KCNH1: variants seen among roughly 807,000 people sequenced by gnomAD.
KCNH1 encodes the protein potassium voltage-gated channel subfamily H member 1, also known as voltage-gated delayed rectifier potassium channel KCNH1.
In KCNH1, 27 loss-of-function variants were observed where a neutral mutation model predicts 69.2. That is an observed-to-expected ratio of 0.39 (90% CI 0.29 to 0.54). The LOEUF is 0.54. KCNH1 is among the 20% of genes least tolerant of loss of function. KCNH1 has a pLI of 0.68. For missense variants in KCNH1, 798 were observed against 1,261.6 expected (o/e 0.63, Z 5.57); for synonymous variants, 456 against 487.7 (o/e 0.93, Z 0.86).
chr1:210,804,539 G>A (rs1404049761), intron 7 of KCNH1, among the ~76,000 whole-genome samples: 1 of 152,204 alleles, frequency 6.6e-6, no homozygotes, highest in Non-Finnish European at 1.5e-5. Context: ...AGCCATGCCT[G>A]AGGTCACTAG....
intron 9 of KCNH1, 33 bp from the exon 10 acceptor site, chr1:210,775,577 T>C (rs1366237379): frequency 1.6e-5 from 25 of 1,574,952 alleles, no homozygotes; most frequent in Non-Finnish European, 2.1e-5. Context: ...AGGAAAGTGT[T>C]GGCCAGGAGA....
At chr1:210,880,197 G>A (rs11485201) in intron 7 of KCNH1, among the ~76,000 whole-genome samples, 36,838 of 151,962 alleles carry the variant, frequency 0.24, 4,719 homozygotes, top group African/African-American at 0.34. Context: ...CAATTCCAAT[G>A]AAAATTCCAA....
At chr1:211,109,021 G>A (rs1025243374) in intron 1 of KCNH1, among the ~76,000 whole-genome samples, 3 of 152,198 alleles carry the variant, frequency 2.0e-5, no homozygotes, top group Non-Finnish European at 4.4e-5. Context: ...AGAGGTAAAG[G>A]GCTGCGTCTC....
chr1:211,050,260 TAAAAAAAAAAAAAAAAAAAA>T (rs747498526), intron 5 of KCNH1, among the ~76,000 whole-genome samples: 2 of 58,584 alleles, frequency 3.4e-5, no homozygotes, highest in African/African-American at 1.4e-4. Flanking sequence ...CACACATTCT[TAAAAAAAAAAAAAAAAAAAA>T]AAAAAAAAAA....
chr1:210,772,199 T>C (rs1683764934), intron 10 of KCNH1, among the ~76,000 whole-genome samples: 1 of 152,184 alleles, frequency 6.6e-6, no homozygotes, highest in Admixed American at 6.5e-5. Context: ...GAGAAGAGAT[T>C]GAACGGTTAC....
chr1:210,690,757 G>C (rs970050851), intron 10 of KCNH1, among the ~76,000 whole-genome samples: 7 of 152,224 alleles, frequency 4.6e-5, no homozygotes, highest in Admixed American at 1.3e-4. Context: ...CCTCGAGGAG[G>C]GGAGGGGGCC....
chr1:211,028,465 G>A (rs1458921576), intron 5 of KCNH1, among the ~76,000 whole-genome samples: 1 of 151,438 alleles, frequency 6.6e-6, no homozygotes, highest in East Asian at 1.9e-4. Flanking sequence ...AACAGAAATC[G>A]ATGAAATTAA....
chr1:211,015,552 G>A (rs1349655447), intron 6 of KCNH1, among the ~76,000 whole-genome samples: 1 of 152,040 alleles, frequency 6.6e-6, no homozygotes, highest in Non-Finnish European at 1.5e-5. Flanking sequence ...ACAAGAAAGA[G>A]GTCACGGTGC....
At chr1:210,718,624 G>GTGTA (rs1383907631) in intron 10 of KCNH1, among the ~76,000 whole-genome samples, 1 of 120,956 alleles carries the variant, frequency 8.3e-6, no homozygotes, top group African/African-American at 3.3e-5. Context: ...ATGTATGTGT[G>GTGTA]TATAAATATA....
intron 7 of KCNH1, among the ~76,000 whole-genome samples, chr1:210,848,576 T>C (rs2102463551): frequency 6.6e-6 from 1 of 152,310 alleles, no homozygotes; most frequent in Non-Finnish European, 1.5e-5. Context: ...GTGATGGAAG[T>C]TAATTTGCAC....
In KCNH1 at chr1:210,919,359, T is replaced by C. The variant is rs73071575; in HGVS notation, c.1462+281A>G. The C allele has an allele frequency of 0.018, 6,211 of 349,162 alleles. 343 individuals carry two copies. Among genetic ancestry groups the C allele is most frequent in the African/African-American group, 0.12 (5,762 of 49,414 alleles). 21.6% of individuals were successfully genotyped at this position (349,162 alleles called of 1,614,324 possible). A position where few individuals can be genotyped will look rare whatever the true frequency, so the allele number is the denominator to read the frequency against. On this transcript the variant is annotated intron_variant, in intron 7 of 10. Coordinates refer to ENST00000271751, the MANE Select transcript of KCNH1 (RefSeq NM_172362.3). The surrounding 1 kb of genome is among the most constrained non-coding windows in gnomAD (Gnocchi z 4.2). Reference sequence around the variant, plus strand: ...TATGTATTCAGATATGCAAAGAAAATAGTCTGTAAGAGAAGACACCAACAG... The same window carrying C: ...TATGTATTCAGATATGCAAAGAAAACAGTCTGTAAGAGAAGACACCAACAG...
intron 5 of KCNH1, among the ~76,000 whole-genome samples, chr1:211,025,418 C>T (rs1279987745): frequency 6.6e-6 from 1 of 152,102 alleles, no homozygotes; most frequent in Non-Finnish European, 1.5e-5. Context: ...CAATGCACTC[C>T]TACCTACTAT....
At position 210,940,058 on chromosome 1, in the gene KCNH1, C is replaced by A. The variant is rs540953797; in HGVS notation, c.1033-19989G>T. Among the ~76,000 whole-genome samples the A allele has an allele frequency of 1.5e-4, 23 of 152,320 alleles. No homozygotes were observed. The East Asian group carries it at 4.0e-3, about 27-fold the overall frequency. On this transcript the variant is annotated intron_variant, in intron 6 of 10. Transcript: ENST00000271751. Reference sequence around the variant, plus strand: ...CATGATGATCCCACTACTCTGAGAACTACAGAGCCATTGCAACTGTATAAT... The same window carrying A: ...CATGATGATCCCACTACTCTGAGAAATACAGAGCCATTGCAACTGTATAAT...
At chr1:210,890,025 C>T (rs971186153) in intron 7 of KCNH1, among the ~76,000 whole-genome samples, 5 of 152,044 alleles carry the variant, frequency 3.3e-5, no homozygotes, top group African/African-American at 9.7e-5. Flanking sequence ...ACTTTCTTCA[C>T]AGAATTAGAA....
At chr1:210,842,196 T>A (rs1408483849) in intron 7 of KCNH1, among the ~76,000 whole-genome samples, 1 of 152,152 alleles carries the variant, frequency 6.6e-6, no homozygotes, top group Non-Finnish European at 1.5e-5. Context: ...TTACCTCCCC[T>A]ACCATGGTCA....
chr1:211,028,449 A>G (rs1302257017), intron 5 of KCNH1, among the ~76,000 whole-genome samples: 1 of 151,674 alleles, frequency 6.6e-6, no homozygotes, highest in Non-Finnish European at 1.5e-5. Context: ...GAAGGAAATA[A>G]TAATGAACAG....
At chr1:210,893,408 T>C (rs1456522652) in intron 7 of KCNH1, among the ~76,000 whole-genome samples, 1 of 152,076 alleles carries the variant, frequency 6.6e-6, no homozygotes, top group African/African-American at 2.4e-5. Context: ...ACATAGCATA[T>C]ATTTTTTCCT....
chr1:211,016,908 CA>C (rs550833970), intron 6 of KCNH1, among the ~76,000 whole-genome samples: 39 of 90,724 alleles, frequency 4.3e-4, no homozygotes, highest in Non-Finnish European at 4.9e-4. Flanking sequence ...GACTCTGTCT[CA>C]AAAAAAAAAA....
intron 10 of KCNH1, among the ~76,000 whole-genome samples, chr1:210,774,624 T>C (rs749031850): frequency 6.6e-6 from 1 of 152,206 alleles, no homozygotes; most frequent in Non-Finnish European, 1.5e-5. Flanking sequence ...TATCTTGTTA[T>C]TGTTTTAACC....
Sources: gnomAD v4.1 joint callset for allele counts (sites outside exome capture counted in the v4.1 genomes callset) on GRCh38, gnomAD v4.1.1 for gene constraint, Gnocchi (gnomAD v3.1) non-coding constraint, MANE v1.5 for transcripts, NCBI Gene and HGNC (gene_info 2026-07-23, HGNC 2026-07-21) for gene names.